ACTR3C: variants seen among roughly 807,000 people sequenced by gnomAD.
ACTR3C encodes actin-related protein 3C.
ACTR3C carries 18 observed loss-of-function variants against 26.3 expected under a neutral mutation model. The ratio of observed to expected loss-of-function variants is 0.68; its 90% confidence interval spans 0.47 to 1.01. ACTR3C has a LOEUF of 1.01. Among genes scored for constraint, ACTR3C ranks in the 50% least tolerant of loss-of-function variants. ACTR3C has a pLI of 0.00. For missense variants in ACTR3C, 184 were observed against 250.7 expected, an observed-to-expected ratio of 0.73 and a Z score of 1.80; for synonymous variants, 55 against 94.5, an observed-to-expected ratio of 0.58 and a Z score of 2.42.
At chr7:150,107,698 G>A in the ACTR3C span, among the ~76,000 whole-genome samples, 1 of 151,756 alleles carries the variant, frequency 6.6e-6, no homozygotes, top group Non-Finnish European at 1.5e-5. Context: ...ACCGGGGAAG[G>A]AGGAGGTAGG....
the ACTR3C span, among the ~76,000 whole-genome samples, chr7:150,201,825 C>T: frequency 1.3e-5 from 2 of 151,690 alleles, no homozygotes; most frequent in Non-Finnish European, 2.9e-5. Flanking sequence ...ATGTTCTGTC[C>T]TTATCATCAA....
intron 1 of ACTR3C, among the ~76,000 whole-genome samples, chr7:150,317,410 T>C (rs978595058): frequency 1.2e-4 from 18 of 152,220 alleles, no homozygotes; most frequent in Non-Finnish European, 5.9e-5. Flanking sequence ...TTGATTCCCA[T>C]TTATTAATAT....
chr7:150,315,276 A>T (rs1796753768), intron 1 of ACTR3C, among the ~76,000 whole-genome samples: 3 of 152,084 alleles, frequency 2.0e-5, no homozygotes. Context: ...ATTGAACGTC[A>T]TCGTGATAAA....
chr7:150,160,941 C>T, the ACTR3C span, among the ~76,000 whole-genome samples: 1 of 146,520 alleles, frequency 6.8e-6, no homozygotes, highest in Non-Finnish European at 1.5e-5. Context: ...CATGAGGGTC[C>T]CATGGTGGAG....
chr7:149,885,254 C>T, the ACTR3C span, among the ~76,000 whole-genome samples: 2 of 152,220 alleles, frequency 1.3e-5, no homozygotes, highest in Non-Finnish European at 2.9e-5. Flanking sequence ...TCAACCCAGA[C>T]CCTCGGGAAA....
the ACTR3C span, among the ~76,000 whole-genome samples, chr7:149,992,784 T>C: frequency 2.1e-4 from 32 of 152,262 alleles, no homozygotes; most frequent in Non-Finnish European, 2.9e-4. Context: ...TAGGGAGAAT[T>C]GTCTCACATG....
the ACTR3C span, among the ~76,000 whole-genome samples, chr7:150,155,079 G>A: frequency 6.6e-6 from 1 of 152,138 alleles, no homozygotes; most frequent in Admixed American, 6.5e-5. Flanking sequence ...CCTTCAAGAA[G>A]ACAAATAGAA....
At chr7:150,221,998 CAAAAAAA>C in the ACTR3C span, among the ~76,000 whole-genome samples, 3 of 79,826 alleles carry the variant, frequency 3.8e-5, no homozygotes, top group South Asian at 4.0e-4. Flanking sequence ...ACTCCGTCTC[CAAAAAAA>C]AAAAAAAAAA....
At chr7:150,180,088 G>A in the ACTR3C span, among the ~76,000 whole-genome samples, 3 of 151,048 alleles carry the variant, frequency 2.0e-5, no homozygotes, top group Non-Finnish European at 4.4e-5. Context: ...GGTGGATCAC[G>A]AGGTTAGGAG....
At chr7:150,297,182 C>T (rs766529362) in intron 1 of ACTR3C, among the ~76,000 whole-genome samples, 31 of 146,646 alleles carry the variant, frequency 2.1e-4, no homozygotes, top group South Asian at 4.3e-4. Flanking sequence ...GAAGAAGGTA[C>T]GACCCAAGAA....
At chr7:150,313,934 G>A (rs1796563394) in intron 1 of ACTR3C, among the ~76,000 whole-genome samples, 1 of 152,234 alleles carries the variant, frequency 6.6e-6, no homozygotes. Flanking sequence ...CTGTGAAGAA[G>A]ATGCACCTGG....
At chr7:149,930,749 C>T in the ACTR3C span, among the ~76,000 whole-genome samples, 1 of 152,222 alleles carries the variant, frequency 6.6e-6, no homozygotes, top group African/African-American at 2.4e-5. Flanking sequence ...ATTTCCCCCA[C>T]CAAACTCAGC....
the ACTR3C span, among the ~76,000 whole-genome samples, chr7:150,068,736 T>C: frequency 2.4e-3 from 350 of 146,500 alleles, 1 homozygote; most frequent in African/African-American, 8.5e-3. Flanking sequence ...TGAGCCGAGA[T>C]TGTGCCACTG....
chr7:150,045,706 C>T, the ACTR3C span, among the ~76,000 whole-genome samples: 1 of 151,920 alleles, frequency 6.6e-6, no homozygotes, highest in Non-Finnish European at 1.5e-5. Context: ...AGACACATGT[C>T]ACAATAAAAA....
intron 6 of ACTR3C, among the ~76,000 whole-genome samples, chr7:150,283,839 C>T (rs1249171184): frequency 2.0e-5 from 3 of 150,098 alleles, no homozygotes; most frequent in East Asian, 3.9e-4. Context: ...GAGCTGACGG[C>T]GCGACTCACT....
the ACTR3C span, among the ~76,000 whole-genome samples, chr7:149,930,791 T>A: frequency 2.0e-5 from 3 of 152,240 alleles, no homozygotes; most frequent in East Asian, 5.8e-4. Flanking sequence ...AAAATTTTTG[T>A]ATTGTTTTGT....
chr7:150,300,347 A>G (rs36017818), intron 1 of ACTR3C, among the ~76,000 whole-genome samples: 8,512 of 152,184 alleles, frequency 0.056, 756 homozygotes, highest in African/African-American at 0.19. Context: ...GCAAGACTCC[A>G]TCTCAAAAAA....
chr7:150,316,543 T>A (rs933205795), intron 1 of ACTR3C, among the ~76,000 whole-genome samples: 1 of 144,490 alleles, frequency 6.9e-6, no homozygotes. Flanking sequence ...GGGAGTGCAG[T>A]GGCGCGATCT....
the ACTR3C span, among the ~76,000 whole-genome samples, chr7:150,198,803 T>TGGG: frequency 1.6e-4 from 17 of 105,732 alleles, no homozygotes; most frequent in South Asian, 3.3e-4. Context: ...GGGAGGGAGG[T>TGGG]GGGGGGGTCA....
Sources: allele counts gnomAD v4.1 joint callset (sites outside exome capture counted in the v4.1 genomes callset), GRCh38; gene constraint gnomAD v4.1.1; transcripts MANE v1.5; gene names NCBI Gene and HGNC (gene_info 2026-07-23, HGNC 2026-07-21).